Variants in SPACA7 observed in about 807,000 individuals in gnomAD.
SPACA7 encodes sperm acrosome-associated protein 7.
SPACA7 carries 19 observed loss-of-function variants against 26.3 expected under a neutral mutation model. The observed-to-expected ratio is 0.72, with a 90% CI of 0.50 to 1.06. The LOEUF (loss-of-function observed/expected upper bound fraction) is 1.06. SPACA7 is among the 50% of genes least tolerant of loss of function. The pLI, the probability that SPACA7 is intolerant of heterozygous loss-of-function variation, is 0.00. For synonymous variants in SPACA7, 84 were observed against 84.5 expected, an observed-to-expected ratio of 0.99 and a Z score of 0.04; for missense variants, 211 against 229.9, an observed-to-expected ratio of 0.92 and a Z score of 0.53.
chr13:112,426,275 T>G (rs1002997503), intron 5 of SPACA7, among the ~76,000 whole-genome samples: 1 of 152,272 alleles, frequency 6.6e-6, no homozygotes, highest in Non-Finnish European at 1.5e-5. Flanking sequence ...GTTTTGTTGA[T>G]GTAAGACCTG....
At chr13:112,384,011 T>C (rs186589078) in intron 1 of SPACA7, among the ~76,000 whole-genome samples, 3 of 152,364 alleles carry the variant, frequency 2.0e-5, no homozygotes, top group Admixed American at 2.0e-4. Context: ...ACTCACTTGT[T>C]AAAAGTTGCA....
intron 5 of SPACA7, among the ~76,000 whole-genome samples, chr13:112,431,790 C>T (rs1402750896): frequency 6.6e-6 from 1 of 152,218 alleles, no homozygotes; most frequent in Non-Finnish European, 1.5e-5. Flanking sequence ...TTAGGGTTCT[C>T]TGTAGGGTGC....
At chr13:112,383,901 G>T (rs1284982988) in intron 1 of SPACA7, among the ~76,000 whole-genome samples, 3 of 152,200 alleles carry the variant, frequency 2.0e-5, no homozygotes, top group Admixed American at 2.0e-4. Context: ...TAACTATACT[G>T]CCATAAATTG....
intron 5 of SPACA7, among the ~76,000 whole-genome samples, chr13:112,420,504 C>A (rs1293478243): frequency 2.0e-5 from 3 of 147,762 alleles, no homozygotes; most frequent in Non-Finnish European, 4.5e-5. Context: ...GAAAATAGGT[C>A]AATAGAAATA....
chr13:112,392,552 T>A (rs1217289314), intron 1 of SPACA7, among the ~76,000 whole-genome samples: 8 of 152,108 alleles, frequency 5.3e-5, no homozygotes, highest in Non-Finnish European at 1.0e-4. Flanking sequence ...GTTTCCCATT[T>A]CCCCAGAACA....
rs78287266 is a variant in SPACA7 at position 112,421,078 on chromosome 13, C to T, written c.446-11366C>T. ...AGTTAGAAATGTTAAATGGCATTCT[C>T]CAGGCCAAAATGTGGATTGTACAAA... is the stretch of plus-strand genomic sequence containing the variant. On this transcript the variant is annotated intron_variant, in intron 5 of 6. Transcript: ENST00000283550. Among the ~76,000 whole-genome samples the T allele has an allele frequency of 7.7e-3, 1,165 of 152,044 alleles. 9 individuals are homozygous for T. The highest frequency in any genetic ancestry group is 0.013 in the Non-Finnish European group (852 of 67,966).
At chr13:112,383,119 A>G (rs60097203) in intron 1 of SPACA7, among the ~76,000 whole-genome samples, 1 of 10,942 alleles carries the variant, frequency 9.1e-5, no homozygotes, top group Admixed American at 7.4e-4. Flanking sequence ...AGAAAAGAAA[A>G]GAAAAGAAAG....
intron 4 of SPACA7, among the ~76,000 whole-genome samples, chr13:112,400,042 G>C (rs1176769300): frequency 6.6e-6 from 1 of 152,104 alleles, no homozygotes; most frequent in Non-Finnish European, 1.5e-5. Context: ...CCTAACACTG[G>C]GGATTACATT....
At chr13:112,396,455 AC>A (rs1239841395) in intron 2 of SPACA7, among the ~76,000 whole-genome samples, 3 of 152,182 alleles carry the variant, frequency 2.0e-5, no homozygotes, top group Non-Finnish European at 4.4e-5. Flanking sequence ...GTGCCTGGTC[AC>A]GGCTGTAGAA....
intron 2 of SPACA7, among the ~76,000 whole-genome samples, chr13:112,397,651 C>T (rs1361523936): frequency 6.6e-6 from 1 of 152,200 alleles, no homozygotes; most frequent in East Asian, 1.9e-4. Flanking sequence ...GAAAATGCGG[C>T]TGTGTTGACA....
intron 5 of SPACA7, among the ~76,000 whole-genome samples, chr13:112,421,327 A>G (rs2139046076): frequency 6.6e-6 from 1 of 152,210 alleles, no homozygotes; most frequent in Non-Finnish European, 1.5e-5. Context: ...ATAAATTACT[A>G]TTTAAAGTTA....
At chr13:112,379,043 C>A (rs558943794) in intron 1 of SPACA7, among the ~76,000 whole-genome samples, 4 of 152,078 alleles carry the variant, frequency 2.6e-5, no homozygotes, top group Non-Finnish European at 5.9e-5. Flanking sequence ...TAAGAGAAAC[C>A]GGAAGCAGAG....
chr13:112,429,155 T>C (rs1876820027), intron 5 of SPACA7, among the ~76,000 whole-genome samples: 1 of 152,120 alleles, frequency 6.6e-6, no homozygotes, highest in Non-Finnish European at 1.5e-5. Context: ...GGCAACAGGA[T>C]CACTTGAGCC....
intron 3 of SPACA7, 24 bp from the exon 4 acceptor site, chr13:112,399,042 T>A: frequency 6.7e-7 from 1 of 1,483,932 alleles, no homozygotes; most frequent in South Asian, 1.2e-5. Context: ...TTTTCCCCAT[T>A]TTTTTCCATG....
At chr13:112,385,529 A>G (rs1884469508) in intron 1 of SPACA7, among the ~76,000 whole-genome samples, 1 of 152,220 alleles carries the variant, frequency 6.6e-6, no homozygotes. Context: ...AGCTAGCGGC[A>G]TGCCTCTCCA....
At chr13:112,376,542 C>T in intron 1 of SPACA7, 63 bp downstream of exon 1, 3 of 1,542,366 alleles carry the variant, frequency 1.9e-6, no homozygotes, top group African/African-American at 2.7e-5. Context: ...GCGGCGGCCT[C>T]TTCTCCCATG....
chr13:112,399,143 C>G lies in SPACA7; in HGVS notation c.319C>G (p.Pro107Ala). The change falls in exon 4 of 7, where the codon CCT (proline) becomes GCT (alanine). Residue 107 changes from proline to alanine, a missense_variant. Pro to Ala is a conservative substitution (Grantham distance 27). Coordinates refer to ENST00000283550, the MANE Select transcript of SPACA7 (RefSeq NM_145248.5). Reference sequence around the variant, plus strand: ...ATTATTAGAGAATTTACAATTCTCTCCTGGCATTGAGGTCAAAATTTCCAA... The same window carrying G: ...ATTATTAGAGAATTTACAATTCTCTGCTGGCATTGAGGTCAAAATTTCCAA... ...HELLENLQFS[P>A]GIEVKISNDE... 6.2e-7 allele frequency: 1 copy of G among 1,605,932 alleles called. No individual in the cohort carries two copies. Among genetic ancestry groups the G allele is most frequent in the Non-Finnish European group, 8.5e-7 (1 of 1,172,574 alleles).
chr13:112,393,191 T>G, intron 2 of SPACA7, 114 bp downstream of exon 2: 1 of 775,072 alleles, frequency 1.3e-6, no homozygotes, highest in Non-Finnish European at 2.1e-6. Context: ...AGGGAACTGA[T>G]TGGTTTGGGG....
chr13:112,395,477 G>GT (rs1485693129), intron 2 of SPACA7, among the ~76,000 whole-genome samples: 162 of 151,866 alleles, frequency 1.1e-3, no homozygotes, highest in Middle Eastern at 3.4e-3. Context: ...TCTGTTTTTT[G>GT]TTTTTTTTGA....
Sources: gnomAD v4.1 joint callset for allele counts (sites outside exome capture counted in the v4.1 genomes callset) on GRCh38, gnomAD v4.1.1 for gene constraint, MANE v1.5 for transcripts, NCBI Gene and HGNC (gene_info 2026-07-23, HGNC 2026-07-21) for gene names.